KCNQ5: variants seen among roughly 807,000 people sequenced by gnomAD.
The protein encoded by KCNQ5 is potassium voltage-gated channel subfamily KQT member 5.
Under a neutral mutation model 98.2 loss-of-function variants are expected in KCNQ5, and 30 were observed. The observed-to-expected ratio is 0.31, with a 90% CI of 0.23 to 0.41. The LOEUF is 0.41. Ranked by LOEUF, KCNQ5 falls within the 10% of genes least tolerant of loss-of-function variation. The probability of loss-of-function intolerance (pLI) is 1.00; values close to 1 mark genes in which losing one functional copy is unlikely to be tolerated. For missense variants in KCNQ5, 835 were observed against 1,182.5 expected (o/e 0.71, Z 4.31); for synonymous variants, 458 against 449.4 (o/e 1.02, Z -0.24).
At chr6:73,157,285 C>T (rs1777400132) in intron 10 of KCNQ5, among the ~76,000 whole-genome samples, 1 of 152,136 alleles carries the variant, frequency 6.6e-6, no homozygotes, top group Non-Finnish European at 1.5e-5. Flanking sequence ...GTCCCCAAAT[C>T]CTCCTGGGAG....
chr6:72,780,474 A>C (rs1185539432), intron 1 of KCNQ5, among the ~76,000 whole-genome samples: 1 of 152,204 alleles, frequency 6.6e-6, no homozygotes, highest in East Asian at 1.9e-4. Context: ...GGGGGCTGGC[A>C]TCTGAGCACT....
At chr6:72,673,721 G>A (rs534824829) in intron 1 of KCNQ5, among the ~76,000 whole-genome samples, 7 of 152,250 alleles carry the variant, frequency 4.6e-5, no homozygotes, top group African/African-American at 9.6e-5. Context: ...AATTGGCATT[G>A]TTATCCTTTA....
intron 1 of KCNQ5, among the ~76,000 whole-genome samples, chr6:72,947,869 GT>G (rs1766619518): frequency 6.6e-6 from 1 of 152,096 alleles, no homozygotes; most frequent in Non-Finnish European, 1.5e-5. Context: ...GTTCATTTTT[GT>G]TTTACTAGAA....
intron 1 of KCNQ5, among the ~76,000 whole-genome samples, chr6:72,767,146 G>A (rs913431468): frequency 2.6e-5 from 4 of 151,982 alleles, no homozygotes; most frequent in Non-Finnish European, 5.9e-5. Flanking sequence ...AAGTTTGTAG[G>A]AAAGGAATGA....
At chr6:73,048,583 A>G (rs1772075094) in intron 3 of KCNQ5, among the ~76,000 whole-genome samples, 4 of 152,314 alleles carry the variant, frequency 2.6e-5, no homozygotes, top group South Asian at 4.1e-4. Context: ...TTAATCAGGC[A>G]ACAAAAAGTA....
intron 1 of KCNQ5, among the ~76,000 whole-genome samples, chr6:72,740,354 G>A (rs186370776): frequency 1.7e-3 from 264 of 152,244 alleles, no homozygotes; most frequent in African/African-American, 6.1e-3. Context: ...GAAGAGAACG[G>A]AAACTCAGAG....
chr6:73,191,414 T>C (rs1486551525), intron 12 of KCNQ5, among the ~76,000 whole-genome samples: 1 of 152,166 alleles, frequency 6.6e-6, no homozygotes, highest in African/African-American at 2.4e-5. Context: ...AGAAATGAAT[T>C]CCACATGTTA....
At chr6:72,833,875 T>G (rs1048292258) in intron 1 of KCNQ5, among the ~76,000 whole-genome samples, 3 of 152,122 alleles carry the variant, frequency 2.0e-5, no homozygotes, top group Non-Finnish European at 4.4e-5. Flanking sequence ...GCAATGACAT[T>G]TTTATATTTG....
intron 1 of KCNQ5, among the ~76,000 whole-genome samples, chr6:72,649,646 T>G (rs1765776763): frequency 6.6e-6 from 1 of 152,168 alleles, no homozygotes; most frequent in Admixed American, 6.6e-5. Context: ...CTTGAATGCT[T>G]CTTTAAAGAA....
chr6:73,182,718 G>A lies in KCNQ5; in HGVS notation c.1578-7855G>A, dbSNP rs527716664. On this transcript the variant is annotated intron_variant, in intron 11 of 13. Transcript: ENST00000370398. Reference sequence around the variant, plus strand: ...CTCTGAGCTTCCTTGCTCCCTGCAAGTAACAAGATAATGGCCTACTCTCTC... The same window carrying A: ...CTCTGAGCTTCCTTGCTCCCTGCAAATAACAAGATAATGGCCTACTCTCTC... 2.0e-5 allele frequency among the ~76,000 whole-genome samples: 3 copies of A among 152,292 alleles called. No homozygotes were observed. In the East Asian group the frequency reaches 5.8e-4, roughly 29 times the overall value.
At chr6:73,097,950 C>T (rs894362985) in intron 5 of KCNQ5, among the ~76,000 whole-genome samples, 7 of 152,090 alleles carry the variant, frequency 4.6e-5, no homozygotes, top group African/African-American at 1.7e-4. Flanking sequence ...CAATAAATAC[C>T]TAACTCTTCA....
At chr6:73,193,181 C>T (rs574000325) in intron 13 of KCNQ5, among the ~76,000 whole-genome samples, 115 of 151,854 alleles carry the variant, frequency 7.6e-4, no homozygotes, top group African/African-American at 2.5e-3. Context: ...CCACCAAGAC[C>T]GGCGAATTTT....
chr6:72,639,378 T>C (rs2098925953), intron 1 of KCNQ5, among the ~76,000 whole-genome samples: 3 of 152,198 alleles, frequency 2.0e-5, no homozygotes, highest in South Asian at 4.1e-4. Flanking sequence ...CTTTGCCATC[T>C]AGGAGTGGAC....
chr6:73,179,218 G>A (rs545380912), intron 11 of KCNQ5, among the ~76,000 whole-genome samples: 2 of 152,212 alleles, frequency 1.3e-5, no homozygotes, highest in South Asian at 4.1e-4. Context: ...ATTTCTTACA[G>A]TTATGGAGGC....
chr6:73,159,306 T>G (rs1424166946), intron 10 of KCNQ5, among the ~76,000 whole-genome samples: 5 of 152,036 alleles, frequency 3.3e-5, no homozygotes, highest in African/African-American at 1.2e-4. Context: ...GGAGAACACA[T>G]GGACACAAAG....
At chr6:72,929,643 A>C (rs939703395) in intron 1 of KCNQ5, among the ~76,000 whole-genome samples, 1 of 152,178 alleles carries the variant, frequency 6.6e-6, no homozygotes, top group Non-Finnish European at 1.5e-5. Context: ...CATAAAGTAC[A>C]ATGGAGTACA....
chr6:72,940,650 C>A (rs900561613), intron 1 of KCNQ5, among the ~76,000 whole-genome samples: 2 of 152,174 alleles, frequency 1.3e-5, no homozygotes, highest in Non-Finnish European at 1.5e-5. Context: ...ACCGCTAAGA[C>A]AAATCACTTC....
At chr6:72,734,596 G>T (rs898451841) in intron 1 of KCNQ5, among the ~76,000 whole-genome samples, 1 of 152,000 alleles carries the variant, frequency 6.6e-6, no homozygotes, top group African/African-American at 2.4e-5. Flanking sequence ...TTTGTGCTGT[G>T]GTTTCAAATC....
chr6:73,000,562 C>T (rs1235850983), intron 1 of KCNQ5, among the ~76,000 whole-genome samples: 2 of 152,170 alleles, frequency 1.3e-5, no homozygotes, highest in African/African-American at 4.8e-5. Flanking sequence ...TTATCCTCTT[C>T]TCCCCAAAAC....
Sources: gnomAD v4.1 joint callset for allele counts (sites outside exome capture counted in the v4.1 genomes callset) on GRCh38, gnomAD v4.1.1 for gene constraint, MANE v1.5 for transcripts, NCBI Gene and HGNC (gene_info 2026-07-23, HGNC 2026-07-21) for gene names.